Variants in ANKRD17 observed in about 807,000 individuals in gnomAD.
ANKRD17 encodes the protein ankyrin repeat domain-containing protein 17.
In ANKRD17, 19 loss-of-function variants were observed where a neutral mutation model predicts 229.7. The ratio of observed to expected loss-of-function variants is 0.08; its 90% CI spans 0.06 to 0.12. The LOEUF is 0.12. Ranked by LOEUF, ANKRD17 falls within the 10% of genes least tolerant of loss-of-function variation. The probability of loss-of-function intolerance (pLI) is 1.00; values close to 1 mark genes in which losing one functional copy is unlikely to be tolerated. For synonymous variants in ANKRD17, 1,112 were observed against 1,146.1 expected (o/e 0.97, Z 0.60); for missense variants, 2,176 against 3,176.8 (o/e 0.68, Z 7.57).
At chr4:73,139,178 T>C (rs1218488076) in intron 15 of ANKRD17, among the ~76,000 whole-genome samples, 1 of 152,164 alleles carries the variant, frequency 6.6e-6, no homozygotes, top group Admixed American at 6.5e-5. Flanking sequence ...TCCCAGTTTA[T>C]TGGTGTGAAT....
intron 1 of ANKRD17, among the ~76,000 whole-genome samples, chr4:73,254,636 C>T (rs1345345049): frequency 3.9e-5 from 6 of 151,918 alleles, no homozygotes; most frequent in Non-Finnish European, 2.9e-5. Context: ...GGCCTGGTGG[C>T]GGATGCCTGT....
intron 1 of ANKRD17, among the ~76,000 whole-genome samples, chr4:73,178,171 T>A (rs1355174840): frequency 6.6e-6 from 1 of 152,200 alleles, no homozygotes; most frequent in Non-Finnish European, 1.5e-5. Flanking sequence ...ACAGACTCAC[T>A]TCAAACATTT....
At chr4:73,116,723 T>TA (rs1726002298) in intron 22 of ANKRD17, among the ~76,000 whole-genome samples, 1 of 152,120 alleles carries the variant, frequency 6.6e-6, no homozygotes. Context: ...CTCAAACAGT[T>TA]ACCTAACTTT....
intron 12 of ANKRD17, 113 bp from the exon 13 acceptor site, chr4:73,142,498 G>T: frequency 6.4e-7 from 1 of 1,568,030 alleles, no homozygotes; most frequent in South Asian, 1.2e-5. Flanking sequence ...TCATAGGTTT[G>T]GTAAAGAACG....
intron 1 of ANKRD17, among the ~76,000 whole-genome samples, chr4:73,201,847 T>TA (rs1359995954): frequency 6.6e-6 from 1 of 152,136 alleles, no homozygotes; most frequent in African/African-American, 2.4e-5. Context: ...TAGGTTTCCT[T>TA]AAGACATACT....
intron 30 of ANKRD17, among the ~76,000 whole-genome samples, chr4:73,080,470 G>A (rs1488131950): frequency 6.6e-6 from 1 of 152,178 alleles, no homozygotes; most frequent in East Asian, 1.9e-4. Context: ...ACCAAATTCT[G>A]CAATTATACA....
intron 1 of ANKRD17, among the ~76,000 whole-genome samples, chr4:73,236,212 A>G (rs1743496456): frequency 6.6e-6 from 1 of 151,954 alleles, no homozygotes; most frequent in Non-Finnish European, 1.5e-5. Flanking sequence ...ACTGGAGTGC[A>G]GTGGTTCCAT....
rs1422628260 is a variant in ANKRD17, at chr4:73,074,854, C to T, written c.*1377G>A. 6.6e-6 allele frequency: 1 copy of T among 152,324 alleles called. No homozygotes were observed. The highest frequency in any genetic ancestry group is 2.1e-4 in the South Asian group (1 of 4,828). 9.4% of individuals were successfully genotyped at this position (152,324 alleles called of 1,614,324 possible). ...CCATATAATTAATTTTTCCATGAGA[C>T]AGGGTAGGACACATAATCTTCTTGG... On this transcript the variant is annotated 3_prime_UTR_variant, in exon 34 of 34. Transcript: ENST00000358602.
At chr4:73,090,549 A>G (rs1271746090) in intron 29 of ANKRD17, 118 bp downstream of exon 29, 1 of 1,320,464 alleles carries the variant, frequency 7.6e-7, no homozygotes, top group Non-Finnish European at 1.0e-6. Flanking sequence ...TGAGTTAACT[A>G]AATCCAACAA....
Position 73,139,683 on chromosome 4 carries a change from G to A in ANKRD17, c.2933C>T (p.Thr978Ile), listed in dbSNP as rs1729368061. 6.2e-7 allele frequency: 1 copy of A among 1,614,120 alleles called. No individual in the cohort carries two copies. The highest frequency in any genetic ancestry group is 8.5e-7 in the Non-Finnish European group (1 of 1,180,036). ...PLPPGSIANL[T>I]ELQGVIVGQP... ...TCCAACTATCACTCCTTGCAGTTCT[G>A]TAAGATTTGCGATGGACCCTGGAGG... Residue 978 changes from threonine to isoleucine, a missense_variant, in exon 15 of 34, where the codon ACA becomes ATA. By Grantham distance (89) the Thr-to-Ile change is moderately conservative. Coordinates refer to ENST00000358602, the MANE Select transcript of ANKRD17 (RefSeq NM_032217.5).
At chr4:73,132,374 G>T (rs565797189) in intron 16 of ANKRD17, among the ~76,000 whole-genome samples, 27 of 152,238 alleles carry the variant, frequency 1.8e-4, no homozygotes, top group Non-Finnish European at 3.5e-4. Context: ...CTCCCAGAGC[G>T]CTGGCATTAC....
At chr4:73,168,360 A>G (rs1733516171) in intron 2 of ANKRD17, among the ~76,000 whole-genome samples, 1 of 152,178 alleles carries the variant, frequency 6.6e-6, no homozygotes, top group Admixed American at 6.5e-5. Flanking sequence ...AGAAAACATC[A>G]TGTCTTTAAA....
rs113479578 is a variant in ANKRD17 at position 73,093,961 on chromosome 4, C to T, written c.5327+118G>A. 195 of 941,032 alleles carry T rather than the reference C, an allele frequency of 2.1e-4. 1 individual carries two copies. In the African/African-American group the frequency reaches 2.7e-3, roughly 13 times the overall value. The allele number at this position is 941,032 out of a possible 1,614,324, so 58.3% of individuals were successfully genotyped here. A position where few individuals can be genotyped will look rare whatever the true frequency, so the allele number is the denominator to read the frequency against. ...TATCTTCTCAAACACTAATAAAATT[C>T]CCATTTTAAAAAGTATACTATGTAA... On this transcript the variant is annotated intron_variant, in intron 28 of 33. Coordinates refer to ENST00000358602, the MANE Select transcript of ANKRD17 (RefSeq NM_032217.5).
intron 11 of ANKRD17, 133 bp from the exon 12 acceptor site, chr4:73,142,900 A>T: frequency 2.1e-6 from 2 of 961,008 alleles, no homozygotes; most frequent in Non-Finnish European, 2.9e-6. Context: ...AGCTTTAATG[A>T]TTATAAACAC....
chr4:73,144,661 C>A, intron 11 of ANKRD17, 84 bp downstream of exon 11: 1 of 883,044 alleles, frequency 1.1e-6, no homozygotes, highest in Non-Finnish European at 1.6e-6. Context: ...CTCTTGCCTT[C>A]AAAAGACCTT....
intron 1 of ANKRD17, among the ~76,000 whole-genome samples, chr4:73,257,700 GAT>G (rs1745579876): frequency 6.6e-6 from 1 of 152,084 alleles, no homozygotes; most frequent in African/African-American, 2.4e-5. Context: ...CAGCAGCCAG[GAT>G]AGTTACGAAA....
chr4:73,220,960 ATC>A (rs1309622056), intron 1 of ANKRD17, among the ~76,000 whole-genome samples: 23 of 152,164 alleles, frequency 1.5e-4, no homozygotes, highest in Non-Finnish European at 3.2e-4. Flanking sequence ...TGTAATAAAT[ATC>A]TGTTTACTTG....
chr4:73,243,487 G>C (rs1460527349), intron 1 of ANKRD17, among the ~76,000 whole-genome samples: 1 of 152,136 alleles, frequency 6.6e-6, no homozygotes, highest in Non-Finnish European at 1.5e-5. Context: ...ACATAGGGTG[G>C]AGAAACATGA....
chr4:73,094,007 T>G, intron 28 of ANKRD17, 72 bp downstream of exon 28: 1 of 1,434,042 alleles, frequency 7.0e-7, no homozygotes, highest in Non-Finnish European at 9.6e-7. Context: ...CACTGAAAAC[T>G]CATATGGCTG....
Sources: gnomAD v4.1 joint callset for allele counts (sites outside exome capture counted in the v4.1 genomes callset) on GRCh38, gnomAD v4.1.1 for gene constraint, MANE v1.5 for transcripts, NCBI Gene and HGNC (gene_info 2026-07-23, HGNC 2026-07-21) for gene names.